The following GALK2 variants were observed in gnomAD, a reference collection of about 807,000 sequenced individuals.
The protein encoded by GALK2 is galactokinase 2, also known as N-acetylgalactosamine kinase.
In GALK2, 36 loss-of-function variants were observed where a neutral mutation model predicts 52.4. That is an observed-to-expected ratio of 0.69 (90% CI 0.53 to 0.91). The LOEUF is 0.91. Among genes scored for constraint, GALK2 ranks in the 40% least tolerant of loss-of-function variants. The pLI, the probability that GALK2 is intolerant of heterozygous loss-of-function variation, is 0.00. For synonymous variants in GALK2, 176 were observed against 199.1 expected (o/e 0.88, Z 0.98); for missense variants, 579 against 559.1 (o/e 1.04, Z -0.36).
At chr15:49,284,137 C>T (rs2033073513) in intron 7 of GALK2, among the ~76,000 whole-genome samples, 1 of 151,990 alleles carries the variant, frequency 6.6e-6, no homozygotes, top group South Asian at 2.1e-4. Context: ...TTGGTGAAGT[C>T]CCCCCAGACC....
In GALK2 at chr15:49,234,110, C is replaced by G. The variant is rs181144545; in HGVS notation, c.267-1741C>G. Among the ~76,000 whole-genome samples the G allele has an allele frequency of 3.3e-5, 5 of 152,312 alleles. No individual in the cohort carries two copies. The East Asian group carries it at 9.6e-4, about 29-fold the overall frequency. On this transcript the variant is annotated intron_variant, in intron 3 of 9. Transcript: ENST00000560031. ...ATATTTAGTCAGTTATATTAGAGCA[C>G]TCAGTCAATATGGGGAATTTTGCTT...
chr15:49,262,670 A>G (rs1377039802), intron 5 of GALK2, among the ~76,000 whole-genome samples: 2 of 148,374 alleles, frequency 1.3e-5, no homozygotes, highest in Admixed American at 6.7e-5. Context: ...TAGGGTGTCA[A>G]TTTTGGATCT....
chr15:49,189,178 G>A (rs2086559607), intron 1 of GALK2, among the ~76,000 whole-genome samples: 1 of 152,108 alleles, frequency 6.6e-6, no homozygotes, highest in Non-Finnish European at 1.5e-5. Flanking sequence ...GCCTAGTGGA[G>A]GAACTCAGCC....
intron 5 of GALK2, among the ~76,000 whole-genome samples, chr15:49,278,143 C>A (rs948630997): frequency 6.6e-6 from 1 of 152,112 alleles, no homozygotes; most frequent in Non-Finnish European, 1.5e-5. Flanking sequence ...CGCCTGTAGT[C>A]CCAGCTACTG....
At chr15:49,341,029 C>T (rs1370140283) in intron 3 of GALK2, among the ~76,000 whole-genome samples, 1 of 152,126 alleles carries the variant, frequency 6.6e-6, no homozygotes, top group Admixed American at 6.6e-5. Flanking sequence ...AAGTCCTTTC[C>T]CCATTGCTTG....
intron 3 of GALK2, among the ~76,000 whole-genome samples, chr15:49,362,227 G>T (rs946576595): frequency 6.6e-6 from 1 of 152,100 alleles, no homozygotes; most frequent in Admixed American, 6.6e-5. Flanking sequence ...GATCATGGGA[G>T]TGGATTTCCC....
intron 7 of GALK2, 148 bp downstream of exon 7, chr15:49,283,866 A>T (rs2033041033): frequency 1.2e-6 from 1 of 800,540 alleles, no homozygotes. Context: ...GGGTACAGAG[A>T]AATCTGATTT....
At chr15:49,366,271 T>C (rs1041372236) in intron 3 of GALK2, 2 of 786,966 alleles carry the variant, frequency 2.5e-6, no homozygotes, top group Non-Finnish European at 4.7e-6. Flanking sequence ...CACTTATAAA[T>C]GCAATCAGTA....
At chr15:49,226,132 G>A (rs1220867973) in intron 3 of GALK2, among the ~76,000 whole-genome samples, 2 of 152,162 alleles carry the variant, frequency 1.3e-5, no homozygotes, top group African/African-American at 2.4e-5. Flanking sequence ...GCTTGCGGCT[G>A]TCATGTGTGC....
chr15:49,296,820 C>T (rs2034523268), intron 8 of GALK2, among the ~76,000 whole-genome samples: 2 of 152,096 alleles, frequency 1.3e-5, no homozygotes, highest in Middle Eastern at 3.2e-3. Context: ...AGGCTGGTCT[C>T]GAACTCCTGA....
At chr15:49,197,009 C>T (rs2087291645) in intron 1 of GALK2, among the ~76,000 whole-genome samples, 1 of 152,200 alleles carries the variant, frequency 6.6e-6, no homozygotes, top group African/African-American at 2.4e-5. Flanking sequence ...ATTGCCTGAG[C>T]CCAGGAGTTC....
At chr15:49,264,926 C>T (rs1050589173) in intron 5 of GALK2, among the ~76,000 whole-genome samples, 1 of 152,166 alleles carries the variant, frequency 6.6e-6, no homozygotes, top group Non-Finnish European at 1.5e-5. Flanking sequence ...CTGATCGTTC[C>T]TCTGGTAGTT....
intron 3 of GALK2, chr15:49,366,413 T>G (rs2045198051): frequency 3.6e-6 from 3 of 842,006 alleles, no homozygotes; most frequent in Non-Finnish European, 6.3e-6. Flanking sequence ...GCTGCCCCAT[T>G]GCACCACAAC....
upstream of GALK2, among the ~76,000 whole-genome samples, chr15:49,166,177 A>G (rs1253620717): frequency 6.6e-6 from 1 of 152,152 alleles, no homozygotes; most frequent in East Asian, 1.9e-4. Context: ...CTTAGACTAG[A>G]CAGAAAACAA....
At chr15:49,357,262 C>A (rs1256020404) in intron 3 of GALK2, among the ~76,000 whole-genome samples, 1 of 149,916 alleles carries the variant, frequency 6.7e-6, no homozygotes, top group African/African-American at 2.5e-5. Flanking sequence ...AATAGAGACA[C>A]AAAAAACCCT....
chr15:49,285,798 T>C (rs16962276), intron 7 of GALK2, among the ~76,000 whole-genome samples: 3,399 of 152,316 alleles, frequency 0.022, 103 homozygotes, highest in South Asian at 0.077. Flanking sequence ...GCATGACGGC[T>C]TAGAAATTTA....
At chr15:49,344,249 T>C (rs1218573463) in intron 3 of GALK2, 3 of 152,212 alleles carry the variant, frequency 2.0e-5, no homozygotes, top group African/African-American at 7.2e-5. Flanking sequence ...AAAAATTATT[T>C]TCATTTTTCT....
chr15:49,218,666 G>A (rs1275328120), intron 3 of GALK2, among the ~76,000 whole-genome samples: 1 of 152,200 alleles, frequency 6.6e-6, no homozygotes, highest in Non-Finnish European at 1.5e-5. Flanking sequence ...CATTGTGTAA[G>A]TATATCTTAA....
At chr15:49,214,895 A>G (rs1352986082) in intron 2 of GALK2, among the ~76,000 whole-genome samples, 1 of 151,764 alleles carries the variant, frequency 6.6e-6, no homozygotes, top group Non-Finnish European at 1.5e-5. Context: ...TCTCTTTAAC[A>G]TTTTTTGCAA....
Sources: allele counts gnomAD v4.1 joint callset (sites outside exome capture counted in the v4.1 genomes callset), GRCh38; gene constraint gnomAD v4.1.1; transcripts MANE v1.5; gene names NCBI Gene and HGNC (gene_info 2026-07-23, HGNC 2026-07-21).